The following BANK1 variants were observed in gnomAD, a reference collection of about 807,000 sequenced individuals.
The protein encoded by BANK1 is B-cell scaffold protein with ankyrin repeats.
BANK1 carries 95 observed loss-of-function variants against 94.5 expected under a neutral mutation model. The observed-to-expected ratio is 1.00, with a 90% CI of 0.85 to 1.19. The LOEUF is 1.19. Among genes scored for constraint, BANK1 ranks in the 50% most tolerant of loss-of-function variants. The pLI is 0.00. For synonymous variants in BANK1, 334 were observed against 308.4 expected (o/e 1.08, Z -0.87); for missense variants, 987 against 932.2 (o/e 1.06, Z -0.77).
chr4:102,066,171 G>A (rs936207818), intron 13 of BANK1, among the ~76,000 whole-genome samples: 1 of 150,124 alleles, frequency 6.7e-6, no homozygotes, highest in African/African-American at 2.4e-5. Flanking sequence ...AAAGCAGCCA[G>A]AGAAAACACA....
chr4:102,064,480 T>G (rs1728524019), intron 13 of BANK1, among the ~76,000 whole-genome samples: 1 of 152,200 alleles, frequency 6.6e-6, no homozygotes, highest in African/African-American at 2.4e-5. Context: ...CTCTATGAGG[T>G]GGGCAATATT....
rs534645704 is a variant in BANK1, at chr4:101,908,908, C to T, written c.1010-9085C>T. Among the ~76,000 whole-genome samples the T allele has an allele frequency of 2.6e-5, 4 of 152,300 alleles. No individual in the cohort carries two copies. In the South Asian group the frequency reaches 8.3e-4, roughly 32 times the overall value. ...TGATCATTAAAAAGTCAGGAAACAA[C>T]AGGTGCTGGAGAGGATGTGGAGAAA... On this transcript the variant is annotated intron_variant, in intron 6 of 16. Coordinates refer to ENST00000322953, the MANE Select transcript of BANK1 (RefSeq NM_017935.5).
chr4:101,955,684 A>G (rs1172609374), intron 7 of BANK1, among the ~76,000 whole-genome samples: 2 of 152,206 alleles, frequency 1.3e-5, no homozygotes, highest in Non-Finnish European at 2.9e-5. Flanking sequence ...TTATTGATAT[A>G]AGATCATTGA....
At chr4:101,951,528 A>G (rs574001340) in intron 7 of BANK1, among the ~76,000 whole-genome samples, 5 of 152,124 alleles carry the variant, frequency 3.3e-5, no homozygotes, top group Non-Finnish European at 5.9e-5. Flanking sequence ...ATTCCACAAT[A>G]CCTTGAACAA....
At chr4:101,796,785 T>C (rs1725171225) in intron 1 of BANK1, among the ~76,000 whole-genome samples, 1 of 152,164 alleles carries the variant, frequency 6.6e-6, no homozygotes, top group Non-Finnish European at 1.5e-5. Flanking sequence ...GCATACTGTT[T>C]CTGGCAAGTT....
chr4:102,023,994 A>G (rs950498569), intron 8 of BANK1, among the ~76,000 whole-genome samples: 3 of 152,222 alleles, frequency 2.0e-5, no homozygotes, highest in Non-Finnish European at 4.4e-5. Flanking sequence ...ACAAAAACAA[A>G]TAACTATCCA....
intron 11 of BANK1, among the ~76,000 whole-genome samples, chr4:102,049,991 C>T (rs559845833): frequency 2.8e-4 from 42 of 152,262 alleles, no homozygotes; most frequent in Admixed American, 2.5e-3. Flanking sequence ...AGATAGCCCA[C>T]CCCAAGGAAA....
intron 5 of BANK1, among the ~76,000 whole-genome samples, chr4:101,873,688 A>G (rs966459917): frequency 2.6e-5 from 4 of 152,168 alleles, no homozygotes; most frequent in Admixed American, 2.6e-4. Flanking sequence ...TTGTTAGATA[A>G]ACACTGAATC....
At chr4:101,876,729 G>T (rs1306845146) in intron 5 of BANK1, among the ~76,000 whole-genome samples, 1 of 152,084 alleles carries the variant, frequency 6.6e-6, no homozygotes, top group Non-Finnish European at 1.5e-5. Flanking sequence ...TAATCATGAA[G>T]AAACATAGAT....
intron 11 of BANK1, among the ~76,000 whole-genome samples, chr4:102,054,172 G>GGATT (rs140582607): frequency 6.6e-6 from 1 of 151,806 alleles, no homozygotes. Flanking sequence ...TTTTTAAAAT[G>GGATT]GATTGATTAT....
At chr4:102,014,088 T>C (rs1726610082) in intron 7 of BANK1, among the ~76,000 whole-genome samples, 1 of 152,096 alleles carries the variant, frequency 6.6e-6, no homozygotes, top group Non-Finnish European at 1.5e-5. Context: ...AGTCTGACAA[T>C]ATCCCTAATC....
chr4:101,907,164 G>C (rs975932117), intron 6 of BANK1, among the ~76,000 whole-genome samples: 1 of 152,164 alleles, frequency 6.6e-6, no homozygotes, highest in Non-Finnish European at 1.5e-5. Flanking sequence ...TCATGCTATT[G>C]TTTGTGGCTT....
At chr4:101,801,085 A>G (rs1258152798) in intron 1 of BANK1, among the ~76,000 whole-genome samples, 3 of 152,182 alleles carry the variant, frequency 2.0e-5, no homozygotes, top group Admixed American at 1.3e-4. Flanking sequence ...CTGATGGGCA[A>G]AAAACTGTAT....
chr4:101,927,222 G>A (rs1723189178), intron 7 of BANK1, among the ~76,000 whole-genome samples: 1 of 151,660 alleles, frequency 6.6e-6, no homozygotes, highest in Admixed American at 6.6e-5. Context: ...TGAAAGGAGA[G>A]AAGGAGGAAT....
At chr4:101,916,978 A>G (rs776303270) in intron 6 of BANK1, among the ~76,000 whole-genome samples, 6 of 152,006 alleles carry the variant, frequency 3.9e-5, no homozygotes. Context: ...AAACAAATCT[A>G]TTATTTTAAC....
At chr4:101,980,816 G>C (rs1387885612) in intron 7 of BANK1, among the ~76,000 whole-genome samples, 5 of 151,768 alleles carry the variant, frequency 3.3e-5, no homozygotes, top group African/African-American at 1.2e-4. Context: ...TTTTTGTTAA[G>C]TTTATTTCTC....
At chr4:101,907,302 A>G (rs1347776834) in intron 6 of BANK1, among the ~76,000 whole-genome samples, 1 of 152,208 alleles carries the variant, frequency 6.6e-6, no homozygotes, top group Non-Finnish European at 1.5e-5. Flanking sequence ...AAAGACAAAA[A>G]CCACATGGTT....
At position 101,829,692 on chromosome 4, in the gene BANK1, C is replaced by T. The variant is rs1726527606; in HGVS notation, c.71-116C>T. The stretch of plus-strand genomic sequence containing the variant: ...TATGAAGGACTTTCATAGAGTTTTT[C>T]TCTGGTATAAGCAAATTAATATATT... On this transcript the variant is annotated intron_variant, in intron 1 of 16. Coordinates refer to ENST00000322953, the MANE Select transcript of BANK1 (RefSeq NM_017935.5). The T allele has an allele frequency of 5.7e-6, 3 of 527,342 alleles. No homozygotes were observed. In the South Asian group the frequency reaches 1.6e-4, roughly 28 times the overall value. 32.7% of individuals were successfully genotyped at this position (527,342 alleles called of 1,614,324 possible).
At chr4:101,835,474 T>C (rs1454998693) in intron 2 of BANK1, among the ~76,000 whole-genome samples, 1 of 152,248 alleles carries the variant, frequency 6.6e-6, no homozygotes, top group Non-Finnish European at 1.5e-5. Flanking sequence ...TTCTCTTTCT[T>C]GAAGAACCTT....
Sources: gnomAD v4.1 joint callset for allele counts (sites outside exome capture counted in the v4.1 genomes callset) on GRCh38, gnomAD v4.1.1 for gene constraint, MANE v1.5 for transcripts, NCBI Gene and HGNC (gene_info 2026-07-23, HGNC 2026-07-21) for gene names.